The following LDB2 variants were observed in gnomAD, a reference collection of about 807,000 sequenced individuals.
LDB2 encodes the protein LIM domain-binding protein 2.
In LDB2, 12 loss-of-function variants were observed where a neutral mutation model predicts 44.3. The observed-to-expected ratio is 0.27, with a 90% CI of 0.17 to 0.44. LDB2 has a LOEUF of 0.44. LDB2 is among the 20% of genes least tolerant of loss of function. LDB2 has a pLI of 1.00. For synonymous variants in LDB2, 164 were observed against 174.8 expected, an observed-to-expected ratio of 0.94 and a Z score of 0.49; for missense variants, 344 against 473.5, an observed-to-expected ratio of 0.73 and a Z score of 2.54.
intron 2 of LDB2, among the ~76,000 whole-genome samples, chr4:16,742,879 C>T (rs1056321218): frequency 2.0e-5 from 3 of 152,170 alleles, no homozygotes; most frequent in Admixed American, 6.5e-5. Flanking sequence ...CACTGCCCCT[C>T]GCCTCTATTT....
chr4:16,773,820 G>A (rs950619961), intron 1 of LDB2, among the ~76,000 whole-genome samples: 5 of 151,584 alleles, frequency 3.3e-5, no homozygotes, highest in African/African-American at 4.9e-5. Context: ...CTACAGCCTC[G>A]AACTCCTGGA....
intron 1 of LDB2, among the ~76,000 whole-genome samples, chr4:16,838,183 A>G (rs758653521): frequency 6.6e-6 from 1 of 152,208 alleles, no homozygotes; most frequent in Non-Finnish European, 1.5e-5. Context: ...TTTTTCTGAC[A>G]TGGAAATATA....
chr4:16,756,168 G>C (rs1189683137), intron 2 of LDB2, among the ~76,000 whole-genome samples: 1 of 152,206 alleles, frequency 6.6e-6, no homozygotes, highest in Non-Finnish European at 1.5e-5. Context: ...AGAACAGCCA[G>C]ATGTGGTGGC....
chr4:16,679,988 A>G (rs531265093), intron 2 of LDB2, among the ~76,000 whole-genome samples: 24 of 152,336 alleles, frequency 1.6e-4, no homozygotes, highest in African/African-American at 5.3e-4. Context: ...TGGAATCTTT[A>G]TAAGCCCCCC....
chr4:16,641,572 G>T (rs1017871333), intron 2 of LDB2, among the ~76,000 whole-genome samples: 5 of 152,218 alleles, frequency 3.3e-5, no homozygotes, highest in Middle Eastern at 3.4e-3. Flanking sequence ...GGGTGCAGGA[G>T]AGAGAAGTGA....
intron 2 of LDB2, among the ~76,000 whole-genome samples, chr4:16,726,013 G>A (rs1294838802): frequency 6.7e-6 from 1 of 149,584 alleles, no homozygotes; most frequent in African/African-American, 2.4e-5. Context: ...TAATTTTTAT[G>A]TGCATGTAAC....
Position 16,533,518 on chromosome 4 carries a change from A to G in LDB2, c.616-21414T>C, listed in dbSNP as rs1730800548. Among the ~76,000 whole-genome samples the G allele has an allele frequency of 6.6e-6, 1 of 152,206 alleles. No homozygotes were observed. The highest frequency in any genetic ancestry group is 2.4e-5 in the African/African-American group (1 of 41,450). The stretch of plus-strand genomic sequence containing the variant: ...TAAAAAAGCAATGACAAATGACACA[A>G]TGAAATTGTATCCTGGATGGTGTGT... On this transcript the variant is annotated intron_variant, in intron 5 of 7. Transcript: ENST00000304523. This position sits in a 1 kb window ranked among gnomAD's most constrained non-coding sequence, Gnocchi z 4.1.
At chr4:16,631,723 A>C (rs1732005213) in intron 2 of LDB2, among the ~76,000 whole-genome samples, 1 of 152,188 alleles carries the variant, frequency 6.6e-6, no homozygotes. Context: ...AGAAGAATCA[A>C]ATAGATGCAA....
At chr4:16,863,656 C>CTTTTTTTTTT (rs143950913) in intron 1 of LDB2, among the ~76,000 whole-genome samples, 3 of 91,926 alleles carry the variant, frequency 3.3e-5, no homozygotes, top group African/African-American at 9.1e-5. Flanking sequence ...CTCACATTCT[C>CTTTTTTTTTT]TTTTTTTTTT....
chr4:16,521,259 G>C (rs748763044), intron 5 of LDB2, among the ~76,000 whole-genome samples: 50 of 152,112 alleles, frequency 3.3e-4, no homozygotes, highest in Non-Finnish European at 5.6e-4. Flanking sequence ...CCCTCTGAAG[G>C]CTCCCATGAA....
intron 5 of LDB2, among the ~76,000 whole-genome samples, chr4:16,577,718 A>C (rs1278542498): frequency 6.6e-6 from 1 of 152,166 alleles, no homozygotes; most frequent in Non-Finnish European, 1.5e-5. Context: ...CACAGAAAAC[A>C]ATCCTAAAAT....
chr4:16,779,611 T>C (rs1772722503), intron 1 of LDB2, among the ~76,000 whole-genome samples: 1 of 152,138 alleles, frequency 6.6e-6, no homozygotes, highest in Admixed American at 6.5e-5. Context: ...TGCGTCCTCA[T>C]ATATTTGAAG....
At chr4:16,893,205 C>A (rs930820073) in intron 1 of LDB2, 11 of 222,610 alleles carry the variant, frequency 4.9e-5, no homozygotes, top group Non-Finnish European at 8.3e-5. Flanking sequence ...CCCCCTCCCC[C>A]ACCTCACCAA....
chr4:16,579,371 A>G (rs571884939), intron 5 of LDB2, among the ~76,000 whole-genome samples: 2 of 152,308 alleles, frequency 1.3e-5, no homozygotes, highest in African/African-American at 4.8e-5. Context: ...ACCTAGCATT[A>G]AGAAAATGTG....
At position 16,541,938 on chromosome 4, in the gene LDB2, T is replaced by C. The variant is rs145458917; in HGVS notation, c.616-29834A>G. Reference sequence around the variant, plus strand: ...TGCACCTAGTTAGGTTTGCTGTACATGGTTTTTTCCCAACTATTTTATGCC... The same window carrying C: ...TGCACCTAGTTAGGTTTGCTGTACACGGTTTTTTCCCAACTATTTTATGCC... On this transcript the variant is annotated intron_variant, in intron 5 of 7. Coordinates refer to ENST00000304523, the MANE Select transcript of LDB2 (RefSeq NM_001290.5). Among the ~76,000 whole-genome samples the C allele has an allele frequency of 1.4e-3, 218 of 152,266 alleles. 1 individual carries two copies. The highest frequency in any genetic ancestry group is 4.9e-3 in the African/African-American group (203 of 41,542).
At chr4:16,720,242 TAGA>T (rs1757969933) in intron 2 of LDB2, among the ~76,000 whole-genome samples, 1 of 151,304 alleles carries the variant, frequency 6.6e-6, no homozygotes, top group Non-Finnish European at 1.5e-5. Context: ...AAGATTATCC[TAGA>T]TAATGAGAGG....
intron 5 of LDB2, among the ~76,000 whole-genome samples, chr4:16,517,682 C>T (rs1468723509): frequency 6.6e-6 from 1 of 152,216 alleles, no homozygotes; most frequent in Non-Finnish European, 1.5e-5. Flanking sequence ...GTGTCCCTGT[C>T]AAGTCCAGAT....
chr4:16,628,667 T>C (rs572916310), intron 2 of LDB2, among the ~76,000 whole-genome samples: 31 of 152,174 alleles, frequency 2.0e-4, no homozygotes, highest in African/African-American at 5.3e-4. Flanking sequence ...AGCTCTGGTC[T>C]ACAGCTCCCA....
At chr4:16,617,829 G>A (rs1046153040) in intron 2 of LDB2, among the ~76,000 whole-genome samples, 3 of 152,122 alleles carry the variant, frequency 2.0e-5, no homozygotes, top group African/African-American at 7.2e-5. Flanking sequence ...TATTAAATTG[G>A]AAGCATGATA....
Sources: allele counts gnomAD v4.1 joint callset (sites outside exome capture counted in the v4.1 genomes callset), GRCh38; gene constraint gnomAD v4.1.1; non-coding constraint Gnocchi (gnomAD v3.1); transcripts MANE v1.5; gene names NCBI Gene and HGNC (gene_info 2026-07-23, HGNC 2026-07-21).